Variants in NKTR observed in about 807,000 individuals in gnomAD.
NKTR encodes the protein NK-tumor recognition protein.
In NKTR, 67 loss-of-function variants were observed where a neutral mutation model predicts 156.3. The observed-to-expected ratio is 0.43, with a 90% CI of 0.35 to 0.53. The LOEUF (loss-of-function observed/expected upper bound fraction) is 0.53, where lower values mean the gene tolerates loss of function less well. NKTR is among the 20% of genes least tolerant of loss of function. NKTR has a pLI of 0.01. For synonymous variants in NKTR, 640 were observed against 596.6 expected, an observed-to-expected ratio of 1.07 and a Z score of -1.06; for missense variants, 1,604 against 1,730.9, an observed-to-expected ratio of 0.93 and a Z score of 1.30.
intron 9 of NKTR, chr3:42,633,062 T>G (rs1010630505): frequency 1.7e-5 from 20 of 1,155,128 alleles, no homozygotes; most frequent in African/African-American, 8.0e-5. Flanking sequence ...TTTTAAGAGA[T>G]AGGGTCTTGC....
chr3:42,612,605 T>A (rs975871626), intron 2 of NKTR, among the ~76,000 whole-genome samples: 5 of 152,214 alleles, frequency 3.3e-5, no homozygotes, highest in Non-Finnish European at 5.9e-5. Flanking sequence ...TCCTACTAGT[T>A]CTCATTCATT....
intron 6 of NKTR, chr3:42,628,845 T>G: frequency 3.3e-6 from 1 of 298,762 alleles, no homozygotes; most frequent in South Asian, 1.3e-4. Context: ...CTACTAAAAT[T>G]ACAGAAATTA....
Position 42,637,017 on chromosome 3 carries a change from A to C in NKTR, c.1313A>C (p.His438Pro). Residue 438 changes from histidine (H) to proline (P), a missense_variant, in exon 13 of 17, where the codon CAT becomes CCT. By Grantham distance (77) the His-to-Pro change is moderately conservative. Coordinates refer to ENST00000232978, the MANE Select transcript of NKTR (RefSeq NM_005385.4). ...CGCAGAAAAGAAAAAAAGGTTAAGC[A>C]TAAAAAGAAAGGGAAAAAGCAGAAA... ...KKRRKEKKVK[H>P]KKKGKKQKHC... The C allele has an allele frequency of 6.2e-7, 1 of 1,612,826 alleles. No individual in the cohort carries two copies. Among genetic ancestry groups the C allele is most frequent in the Non-Finnish European group, 8.5e-7 (1 of 1,179,718 alleles).
rs1214336216 is a variant in NKTR, at chr3:42,619,864, A to T, written c.286+156A>T. 3 of 1,429,140 alleles carry T rather than the reference A, an allele frequency of 2.1e-6. No homozygotes were observed. In the African/African-American group the frequency reaches 4.4e-5, roughly 21 times the overall value. 88.5% of individuals were successfully genotyped at this position (1,429,140 alleles called of 1,614,324 possible). The stretch of plus-strand genomic sequence containing the variant: ...TTTATTTGCATGAATTTGGGGATAA[A>T]TTATATTGTAATATATAATTTTTAA... On this transcript the variant is annotated intron_variant, in intron 5 of 16. Coordinates refer to ENST00000232978, the MANE Select transcript of NKTR (RefSeq NM_005385.4).
intron 2 of NKTR, among the ~76,000 whole-genome samples, chr3:42,617,301 A>G (rs1707466075): frequency 6.6e-6 from 1 of 152,244 alleles, no homozygotes; most frequent in Non-Finnish European, 1.5e-5. Context: ...GGAATCTAAT[A>G]ATACAAAGTT....
At chr3:42,645,768 A>G in intron 16 of NKTR, 120 bp from the exon 17 acceptor site, 1 of 590,268 alleles carries the variant, frequency 1.7e-6, no homozygotes, top group South Asian at 2.3e-5. Context: ...CATCAGTTAT[A>G]TGAGTGGCTT....
rs1322756687 is a variant in NKTR at position 42,637,681 on chromosome 3, T to C, written c.1977T>C (p.Gly659=). ...GTTTAGCAAATATTAAAGAGACTGG[T>C]AGCTCATCATCCTACCATAAAAGAG... is the stretch of plus-strand genomic sequence containing the variant. ...TYSLANIKET[G]SSSSYHKREK... is the part of the protein sequence containing the mutation. Residue 659 remains glycine (G), a synonymous_variant, in exon 13 of 17, where the codon GGT becomes GGC. Transcript: ENST00000232978. The C allele has an allele frequency of 2.5e-6, 4 of 1,613,834 alleles. No individual in the cohort carries two copies. In the African/African-American group the frequency reaches 5.3e-5, roughly 22 times the overall value.
intron 10 of NKTR, among the ~76,000 whole-genome samples, 186 bp downstream of exon 10, chr3:42,633,921 T>C (rs887266921): frequency 3.3e-5 from 5 of 152,306 alleles, no homozygotes; most frequent in East Asian, 3.9e-4. Flanking sequence ...TTGAGTGATA[T>C]GTACCCTACC....
In NKTR at chr3:42,638,727, C is replaced by G; in HGVS notation, c.3023C>G (p.Pro1008Arg). Residue 1008 changes from proline (P) to arginine (R), a missense_variant, in exon 13 of 17, where the codon CCA (proline) becomes CGA (arginine). By Grantham distance (103) the Pro-to-Arg change is moderately radical (BLOSUM62 -2). Transcript: ENST00000232978. ...KGKKDKKHKA[P>R]KRKQAFHWQP... ...AAAAAAGACAAAAAGCATAAGGCTC[C>G]AAAACGAAAGCAAGCATTTCACTGG... 1 of 1,613,904 alleles carries G rather than the reference C, an allele frequency of 6.2e-7. No individual in the cohort carries two copies. Among genetic ancestry groups the G allele is most frequent in the Non-Finnish European group, 8.5e-7 (1 of 1,180,008 alleles).
chr3:42,610,267 A>G (rs866874451), intron 2 of NKTR, among the ~76,000 whole-genome samples: 3 of 152,036 alleles, frequency 2.0e-5, no homozygotes, highest in African/African-American at 7.2e-5. Flanking sequence ...CCGCCTCCCA[A>G]AGTGCTGGGA....
chr3:42,623,349 T>C (rs894272944), intron 6 of NKTR, among the ~76,000 whole-genome samples: 1 of 152,138 alleles, frequency 6.6e-6, no homozygotes, highest in African/African-American at 2.4e-5. Context: ...GTTTGAAATT[T>C]CCTTCTGGAA....
chr3:42,639,288 A>G lies in NKTR; in HGVS notation c.3584A>G (p.Asp1195Gly), dbSNP rs748299180. ...SKVLGEVGKQDSSSASLASAG... is the reference protein window; with the variant it reads ...SKVLGEVGKQGSSSASLASAG... ...GTGTTGGGTGAAGTGGGGAAACAGG[A>G]CAGCAGCTCTGCTAGCTTGGCTAGT... The change falls in exon 13 of 17, where the codon GAC becomes GGC. Residue 1195 changes from aspartate (D) to glycine (G), a missense_variant. Asp to Gly is a moderately conservative substitution (Grantham distance 94). Coordinates refer to ENST00000232978, the MANE Select transcript of NKTR (RefSeq NM_005385.4). The G allele has an allele frequency of 1.9e-6, 3 of 1,614,180 alleles. No homozygotes were observed. The highest frequency in any genetic ancestry group is 1.7e-5 in the Admixed American group (1 of 60,020).
rs72864029 is a variant in NKTR at position 42,617,282 on chromosome 3, A to G, written c.59-288A>G. On this transcript the variant is annotated intron_variant, in intron 2 of 16. Transcript: ENST00000232978. The stretch of plus-strand genomic sequence containing the variant: ...AGATTTATAGTTCAGATAGGGAACT[A>G]TACTACGAGGAATCTAATAATACAA... Among the ~76,000 whole-genome samples the G allele has an allele frequency of 3.5e-3, 526 of 152,336 alleles. 6 individuals are homozygous for G. Among genetic ancestry groups the G allele is most frequent in the African/African-American group, 0.012 (510 of 41,572 alleles).
At chr3:42,642,108 C>G (rs914847428) in intron 13 of NKTR, among the ~76,000 whole-genome samples, 1 of 152,060 alleles carries the variant, frequency 6.6e-6, no homozygotes, top group African/African-American at 2.4e-5. Context: ...ACATTGTGTT[C>G]TAGAGATATA....
At chr3:42,606,292 G>A (rs1706226584) in intron 2 of NKTR, among the ~76,000 whole-genome samples, 1 of 152,122 alleles carries the variant, frequency 6.6e-6, no homozygotes, top group South Asian at 2.1e-4. Context: ...ATTTTTATAT[G>A]TGATTTTCGA....
At chr3:42,601,955 A>G (rs967620820) in intron 2 of NKTR, 3 of 152,212 alleles carry the variant, frequency 2.0e-5, no homozygotes, top group Non-Finnish European at 2.9e-5. Context: ...AAAAAATAAC[A>G]GTGACTTGTA....
intron 2 of NKTR, among the ~76,000 whole-genome samples, chr3:42,610,643 A>G (rs571670906): frequency 1.3e-5 from 2 of 151,810 alleles, no homozygotes; most frequent in African/African-American, 2.4e-5. Flanking sequence ...CTTCACTTCA[A>G]TAAACTATAT....
At chr3:42,619,597 A>G in intron 4 of NKTR, 67 bp from the exon 5 acceptor site, 2 of 1,595,386 alleles carry the variant, frequency 1.3e-6, no homozygotes, top group Non-Finnish European at 1.7e-6. Context: ...TGAAGCTATC[A>G]AAAATGATTT....
intron 4 of NKTR, 107 bp from the exon 5 acceptor site, chr3:42,619,557 T>G: frequency 1.3e-6 from 2 of 1,569,924 alleles, no homozygotes; most frequent in Non-Finnish European, 1.7e-6. Context: ...TTGCAGCAGT[T>G]ATAACATTCC....
Sources: allele counts gnomAD v4.1 joint callset (sites outside exome capture counted in the v4.1 genomes callset), GRCh38; gene constraint gnomAD v4.1.1; transcripts MANE v1.5; gene names NCBI Gene and HGNC (gene_info 2026-07-23, HGNC 2026-07-21).